The following FAT1 variants were observed in gnomAD, a reference collection of about 807,000 sequenced individuals.
The protein encoded by FAT1 is FAT atypical cadherin 1, also known as protocadherin Fat 1.
Under a neutral mutation model 329.8 loss-of-function variants are expected in FAT1, and 171 were observed. The ratio of observed to expected loss-of-function variants is 0.52; its 90% CI spans 0.46 to 0.59. The LOEUF is 0.59. Among genes scored for constraint, FAT1 ranks in the 20% least tolerant of loss-of-function variants. The pLI is 0.00. For missense variants in FAT1, 5,672 were observed against 5,774.4 expected (o/e 0.98, Z 0.57); for synonymous variants, 2,233 against 2,228.6 (o/e 1.00, Z -0.06).
In FAT1 at chr4:186,618,557, C is replaced by A. The variant is rs1300305556; in HGVS notation, c.8029G>T (p.Asp2677Tyr). 9 of 1,613,928 alleles carry A rather than the reference C, an allele frequency of 5.6e-6. No individual in the cohort carries two copies. Among genetic ancestry groups the A allele is most frequent in the Admixed American group, 1.7e-5 (1 of 60,012 alleles). Reference sequence around the variant, plus strand: ...GATTCTTTTGATGGAGACCCATTATCCACAGCTCTAACAAAGAAAGTGAAG... The same window carrying A: ...GATTCTTTTGATGGAGACCCATTATACACAGCTCTAACAAAGAAAGTGAAG... ...EFFTFFVRAVDNGSPSKESVV... is the reference protein window; with the variant it reads ...EFFTFFVRAVYNGSPSKESVV... Residue 2677 changes from aspartate (D) to tyrosine (Y), a missense_variant, in exon 10 of 27, where the codon GAT (aspartate) becomes TAT (tyrosine). This residue lies in a region of FAT1 where 3,966 missense variants were observed against 3,915.2 expected (regional missense o/e 1.01). Transcript: ENST00000441802.
At position 186,587,889 on chromosome 4, in the gene FAT1, CACT is replaced by C; in HGVS notation, c.*700_*702del. 1 of 216,386 alleles carries C rather than the reference CACT, an allele frequency of 4.6e-6. No homozygotes were observed. The highest frequency in any genetic ancestry group is 9.3e-6 in the Non-Finnish European group (1 of 107,312). 13.4% of individuals were successfully genotyped at this position (216,386 alleles called of 1,614,324 possible). A position where few individuals can be genotyped will look rare whatever the true frequency, so the allele number is the denominator to read the frequency against. On this transcript the variant is annotated 3_prime_UTR_variant, in exon 27 of 27. Transcript: ENST00000441802. ...GACCATTGCATCACAAATATACAGA[CACT>C]ATAAAAACTGTGTCATGGTGGTTTT...
At chr4:186,721,753 A>C (rs769395398) in intron 1 of FAT1, among the ~76,000 whole-genome samples, 5 of 152,268 alleles carry the variant, frequency 3.3e-5, no homozygotes, top group Non-Finnish European at 7.3e-5. Context: ...ACTGCTTCAA[A>C]GGGACCTCAA....
Position 186,708,331 on chromosome 4 carries a change from T to A in FAT1, c.1497A>T (p.Thr499=), listed in dbSNP as rs1396285052. 1 of 1,613,952 alleles carries A rather than the reference T, an allele frequency of 6.2e-7. No homozygotes were observed. The highest frequency in any genetic ancestry group is 8.5e-7 in the Non-Finnish European group (1 of 1,179,860). ...CATGATTTAAATTTGCGATACTGTATGTCACGTACCCGTTCTCACCCTCAT... is the reference window on the plus strand; with the variant it reads ...CATGATTTAAATTTGCGATACTGTAAGTCACGTACCCGTTCTCACCCTCAT... ...DPDEGENGYV[T]YSIANLNHVP... The change falls in exon 2 of 27, where the codon ACA becomes ACT. Residue 499 remains threonine (T), a synonymous_variant. Transcript: ENST00000441802.
At chr4:186,686,870 C>T (rs1230821032) in intron 2 of FAT1, among the ~76,000 whole-genome samples, 2 of 152,110 alleles carry the variant, frequency 1.3e-5, no homozygotes, top group African/African-American at 4.8e-5. Flanking sequence ...GAAAAGAGAA[C>T]TTATATTCTT....
Position 186,603,929 on chromosome 4 carries a change from T to G in FAT1, c.10597A>C (p.Ile3533Leu). The change falls in exon 19 of 27, where the codon ATT becomes CTT. Residue 3533 changes from isoleucine (I) to leucine (L), a missense_variant. By Grantham distance (5) the Ile-to-Leu change is conservative (BLOSUM62 2). Around this residue, in one of 2 missense-constraint regions of FAT1, gnomAD observed 1,706 missense variants for 1,859.1 expected, o/e 0.92. Coordinates refer to ENST00000441802, the MANE Select transcript of FAT1 (RefSeq NM_005245.4). ...PQLSSLTYID[I>L]RVIEESIYPP... ...TAGATGCTCTCCTCAATTACCCTAA[T>G]GTCAATGTATGTCAAAGATGACAAC... 1 of 1,613,934 alleles carries G rather than the reference T, an allele frequency of 6.2e-7. No individual in the cohort carries two copies. Among genetic ancestry groups the G allele is most frequent in the Non-Finnish European group, 8.5e-7 (1 of 1,179,824 alleles).
At chr4:186,681,132 A>G (rs961121911) in intron 2 of FAT1, among the ~76,000 whole-genome samples, 1 of 152,198 alleles carries the variant, frequency 6.6e-6, no homozygotes, top group Non-Finnish European at 1.5e-5. Context: ...CTGTTACTTC[A>G]AAGTATTGGC....
chr4:186,602,842 G>A, intron 20 of FAT1, 61 bp downstream of exon 20: 16 of 1,531,280 alleles, frequency 1.0e-5, no homozygotes, highest in African/African-American at 1.4e-5. Flanking sequence ...AGAAGAAAAT[G>A]GTAAGAAACA....
chr4:186,631,513 C>T (rs1031064520), intron 7 of FAT1, among the ~76,000 whole-genome samples: 5 of 151,408 alleles, frequency 3.3e-5, no homozygotes, highest in African/African-American at 1.2e-4. Context: ...CAGCTGATTC[C>T]TGTGCTCTTC....
Position 186,707,163 on chromosome 4 carries a change from G to C in FAT1, c.2665C>G (p.His889Asp), listed in dbSNP as rs1744668047. ...GCCTCAATCTTTAAGGAGTGCTCAT[G>C]CTGCAGCTCTCGATCCAGAGGGCGT... ...IARPLDRELQ[H>D]EHSLKIEARD... The change falls in exon 2 of 27, where the codon CAT (histidine) becomes GAT (aspartate). Residue 889 changes from histidine (H) to aspartate (D), a missense_variant. By Grantham distance (81) the His-to-Asp change is moderately conservative. Transcript: ENST00000441802. The C allele has an allele frequency of 1.2e-6, 2 of 1,613,830 alleles. No individual in the cohort carries two copies. The highest frequency in any genetic ancestry group is 8.5e-7 in the Non-Finnish European group (1 of 1,179,892).
intron 2 of FAT1, among the ~76,000 whole-genome samples, chr4:186,688,410 A>G (rs775205495): frequency 6.6e-6 from 1 of 152,150 alleles, no homozygotes; most frequent in Non-Finnish European, 1.5e-5. Context: ...CCTGTTCATA[A>G]GGTAATCGCG....
chr4:186,592,026 G>A (rs538988302), intron 26 of FAT1, among the ~76,000 whole-genome samples: 1 of 152,310 alleles, frequency 6.6e-6, no homozygotes, highest in South Asian at 2.1e-4. Flanking sequence ...TGCTGGTGCT[G>A]AGAACCAGCA....
chr4:186,700,936 T>C (rs1028433078), intron 2 of FAT1, among the ~76,000 whole-genome samples: 1 of 152,094 alleles, frequency 6.6e-6, no homozygotes, highest in African/African-American at 2.4e-5. Flanking sequence ...ACGTAAGCTG[T>C]TTCCACCCCA....
At position 186,590,389 on chromosome 4, in the gene FAT1, G is replaced by A. The variant is rs1392967458; in HGVS notation, c.13139-1169C>T. On this transcript the variant is annotated intron_variant, in intron 26 of 26. Coordinates refer to ENST00000441802, the MANE Select transcript of FAT1 (RefSeq NM_005245.4). ...TCACCTCTTGGTTTGCTGAGGTCAG[G>A]AGCAGCCAAAGATTCTTTTGGTGGC... is the stretch of plus-strand genomic sequence containing the variant. The A allele has an allele frequency of 3.9e-6, 5 of 1,289,342 alleles. No individual in the cohort carries two copies. In the Admixed American group the frequency reaches 1.1e-4, roughly 30 times the overall value. The allele number at this position is 1,289,342 out of a possible 1,614,324, so 79.9% of individuals were successfully genotyped here.
At chr4:186,715,130 C>G (rs1745150493) in intron 1 of FAT1, among the ~76,000 whole-genome samples, 1 of 147,504 alleles carries the variant, frequency 6.8e-6, no homozygotes, top group Non-Finnish European at 1.5e-5. Context: ...CCCCCTCCAT[C>G]CCCCCACCAG....
At chr4:186,697,792 C>A (rs965227387) in intron 2 of FAT1, among the ~76,000 whole-genome samples, 10 of 152,192 alleles carry the variant, frequency 6.6e-5, no homozygotes, top group African/African-American at 2.4e-4. Flanking sequence ...TCCTTACCCG[C>A]TGGTCCTCCT....
chr4:186,614,208 T>A lies in FAT1; in HGVS notation c.9212A>T (p.Lys3071Ile), dbSNP rs377340093. ...TLLGSGAEKF[K>I]LNPDTGELKT... Reference sequence around the variant, plus strand: ...ATCATTACCTGTGTCTGGATTTAGTTTGAATTTTTCTGCACCTGAACCCAA... The same window carrying A: ...ATCATTACCTGTGTCTGGATTTAGTATGAATTTTTCTGCACCTGAACCCAA... The change falls in exon 12 of 27, where the codon AAA becomes ATA. Residue 3071 changes from lysine to isoleucine, a missense_variant. Lys to Ile is a moderately radical substitution (Grantham distance 102, BLOSUM62 -3). Around this residue, in one of 2 missense-constraint regions of FAT1, gnomAD observed 3,966 missense variants for 3,915.2 expected, o/e 1.01. Transcript: ENST00000441802. 1.2e-6 allele frequency: 2 copies of A among 1,600,444 alleles called. No individual in the cohort carries two copies. The highest frequency in any genetic ancestry group is 3.6e-5 in the Admixed American group (2 of 56,162).
intron 23 of FAT1, 35 bp from the exon 24 acceptor site, chr4:186,597,827 GA>G (rs758627924): frequency 2.5e-5 from 40 of 1,578,996 alleles, no homozygotes; most frequent in Non-Finnish European, 3.4e-5. Flanking sequence ...TAAACCTCAT[GA>G]TCCTATTGCA....
intron 3 of FAT1, among the ~76,000 whole-genome samples, chr4:186,651,207 T>C (rs1391978339): frequency 1.3e-5 from 2 of 151,608 alleles, no homozygotes; most frequent in African/African-American, 2.4e-5. Flanking sequence ...AATAACAGAC[T>C]GTAACTGTGG....
chr4:186,717,738 G>C (rs920029068), intron 1 of FAT1, among the ~76,000 whole-genome samples: 1 of 152,138 alleles, frequency 6.6e-6, no homozygotes, highest in Non-Finnish European at 1.5e-5. Flanking sequence ...TAGTTGTTCT[G>C]TGCTCCTGGG....
Sources: gnomAD v4.1 joint callset for allele counts (sites outside exome capture counted in the v4.1 genomes callset) on GRCh38, gnomAD v4.1.1 for gene constraint, gnomAD v4.1.1 regional missense constraint, MANE v1.5 for transcripts, NCBI Gene and HGNC (gene_info 2026-07-23, HGNC 2026-07-21) for gene names.